UBE2E2: variants seen among roughly 807,000 people sequenced by gnomAD.
The protein encoded by UBE2E2 is ubiquitin-conjugating enzyme E2 E2.
Under a neutral mutation model 24.7 loss-of-function variants are expected in UBE2E2, and 6 were observed. The observed-to-expected ratio is 0.24, with a 90% CI of 0.13 to 0.48. The LOEUF is 0.48. Ranked by LOEUF, UBE2E2 falls within the 20% of genes least tolerant of loss-of-function variation. UBE2E2 has a pLI of 0.99. For missense variants in UBE2E2, 169 were observed against 245.0 expected, an observed-to-expected ratio of 0.69 and a Z score of 2.07; for synonymous variants, 104 against 83.6, an observed-to-expected ratio of 1.24 and a Z score of -1.33.
chr3:23,308,006 G>A lies in UBE2E2; in HGVS notation c.227+90694G>A, dbSNP rs567933764. Among the ~76,000 whole-genome samples the A allele has an allele frequency of 7.9e-5, 12 of 152,242 alleles. No homozygotes were observed. The East Asian group carries it at 2.3e-3, about 29-fold the overall frequency. Reference sequence around the variant, plus strand: ...CAAGTGGCACCTTCTAGGGAAACAGGTTTCAAGAATTGTATCCTTAAGTTT... The same window carrying A: ...CAAGTGGCACCTTCTAGGGAAACAGATTTCAAGAATTGTATCCTTAAGTTT... On this transcript the variant is annotated intron_variant, in intron 3 of 5. Transcript: ENST00000396703.
chr3:23,366,134 G>T (rs1696250921), intron 3 of UBE2E2, among the ~76,000 whole-genome samples: 1 of 152,144 alleles, frequency 6.6e-6, no homozygotes, highest in East Asian at 1.9e-4. Flanking sequence ...ACACCAGTCA[G>T]AATGGCCATT....
At chr3:23,577,481 G>A (rs992609485) in intron 5 of UBE2E2, among the ~76,000 whole-genome samples, 75 of 152,258 alleles carry the variant, frequency 4.9e-4, no homozygotes, top group African/African-American at 1.6e-3. Flanking sequence ...CGAGAGGTGA[G>A]GAAGCTGCAG....
intron 2 of UBE2E2, among the ~76,000 whole-genome samples, chr3:23,210,320 G>C (rs1203359150): frequency 6.6e-6 from 1 of 152,170 alleles, no homozygotes; most frequent in Admixed American, 6.5e-5. Context: ...CCAGGTCTGT[G>C]GGGAATAGGG....
chr3:23,583,042 C>G lies in UBE2E2; in HGVS notation c.509-6692C>G, dbSNP rs1696524704. Among the ~76,000 whole-genome samples the G allele has an allele frequency of 6.6e-6, 1 of 151,938 alleles. No individual in the cohort carries two copies. Among genetic ancestry groups the G allele is most frequent in the African/African-American group, 2.4e-5 (1 of 41,366 alleles). ...GAATGGTATTTCCTAAGTTGTCTTC[C>G]AGGGTTTTCATAGTTTTAGGTTTTA... is the stretch of plus-strand genomic sequence containing the variant. On this transcript the variant is annotated intron_variant, in intron 5 of 5. Transcript: ENST00000396703. The surrounding 1 kb of genome is among the most constrained non-coding windows in gnomAD (Gnocchi z 4.1).
At chr3:23,252,333 G>A (rs1263658218) in intron 3 of UBE2E2, among the ~76,000 whole-genome samples, 1 of 151,924 alleles carries the variant, frequency 6.6e-6, no homozygotes, top group Non-Finnish European at 1.5e-5. Context: ...CATAGTTTTA[G>A]GATGCTGTAA....
intron 3 of UBE2E2, among the ~76,000 whole-genome samples, chr3:23,342,157 G>A (rs546067689): frequency 5.5e-4 from 83 of 151,598 alleles, no homozygotes; most frequent in African/African-American, 2.0e-3. Flanking sequence ...GAGGATTTAA[G>A]CATTATGGGG....
chr3:23,530,727 T>G (rs947432596), intron 4 of UBE2E2, among the ~76,000 whole-genome samples: 4 of 152,194 alleles, frequency 2.6e-5, no homozygotes, highest in Admixed American at 2.6e-4. Flanking sequence ...CCATTCGAGT[T>G]TCCTAATTGA....
intron 5 of UBE2E2, among the ~76,000 whole-genome samples, chr3:23,545,653 A>G (rs996006135): frequency 6.6e-6 from 1 of 152,160 alleles, no homozygotes; most frequent in South Asian, 2.1e-4. Flanking sequence ...CAACAATCCT[A>G]CTACTGGGTA....
chr3:23,248,769 T>C (rs1181640065), intron 3 of UBE2E2, among the ~76,000 whole-genome samples: 1 of 152,176 alleles, frequency 6.6e-6, no homozygotes, highest in Non-Finnish European at 1.5e-5. Flanking sequence ...TGTGAATAGC[T>C]CCCTTCCCTG....
At chr3:23,308,580 A>G (rs1699293084) in intron 3 of UBE2E2, among the ~76,000 whole-genome samples, 1 of 152,194 alleles carries the variant, frequency 6.6e-6, no homozygotes, top group Non-Finnish European at 1.5e-5. Context: ...TCATTTAAAG[A>G]CAGGTATTCT....
At chr3:23,502,366 G>C (rs1033954041) in intron 4 of UBE2E2, among the ~76,000 whole-genome samples, 1 of 151,988 alleles carries the variant, frequency 6.6e-6, no homozygotes, top group Non-Finnish European at 1.5e-5. Context: ...AAATACATCT[G>C]ATGGGCTATC....
At chr3:23,487,447 C>T (rs1453069328) in intron 3 of UBE2E2, among the ~76,000 whole-genome samples, 1 of 152,174 alleles carries the variant, frequency 6.6e-6, no homozygotes, top group African/African-American at 2.4e-5. Context: ...CCTGCCCCTG[C>T]CAGCTTCACA....
intron 5 of UBE2E2, among the ~76,000 whole-genome samples, chr3:23,573,870 A>T (rs1461256526): frequency 5.3e-5 from 8 of 152,174 alleles, no homozygotes. Context: ...CTTGAATAGT[A>T]ACAAAAGGGT....
At chr3:23,578,804 G>T (rs932276827) in intron 5 of UBE2E2, among the ~76,000 whole-genome samples, 2 of 152,092 alleles carry the variant, frequency 1.3e-5, no homozygotes, top group African/African-American at 2.4e-5. Flanking sequence ...GCATCAGGAA[G>T]AATAACTAAT....
chr3:23,353,951 A>G (rs1695848399), intron 3 of UBE2E2, among the ~76,000 whole-genome samples: 2 of 152,208 alleles, frequency 1.3e-5, no homozygotes, highest in Admixed American at 6.5e-5. Context: ...CCAAAAGAAC[A>G]AAGCTGGAGG....
chr3:23,461,861 A>C (rs74455108), intron 3 of UBE2E2, among the ~76,000 whole-genome samples: 4,635 of 152,202 alleles, frequency 0.03, 144 homozygotes, highest in East Asian at 0.081. Context: ...AAACTATTCC[A>C]ATAAAACTGT....
In UBE2E2 at chr3:23,552,286, G is replaced by A. The variant is rs562109466; in HGVS notation, c.508+19585G>A. ...AAAGATCACTGGAGCCCAGGGGTTC[G>A]AGGTTGCACTGGGCCAAGATCAGGA... On this transcript the variant is annotated intron_variant, in intron 5 of 5. Transcript: ENST00000396703. Among the ~76,000 whole-genome samples, 34 of 152,120 alleles carry A rather than the reference G, an allele frequency of 2.2e-4. 1 individual carries two copies. The highest frequency in any genetic ancestry group is 1.7e-3 in the South Asian group (8 of 4,820).
intron 3 of UBE2E2, among the ~76,000 whole-genome samples, chr3:23,440,841 A>G (rs550330918): frequency 2.0e-5 from 3 of 152,162 alleles, no homozygotes; most frequent in South Asian, 2.1e-4. Context: ...TGTCCCCCCA[A>G]CTTTTTTTCC....
At chr3:23,366,409 A>C (rs1696257034) in intron 3 of UBE2E2, among the ~76,000 whole-genome samples, 1 of 152,216 alleles carries the variant, frequency 6.6e-6, no homozygotes, top group South Asian at 2.1e-4. Context: ...ATCAACCTAA[A>C]TACCCATCAG....
Sources: allele counts gnomAD v4.1 joint callset (sites outside exome capture counted in the v4.1 genomes callset), GRCh38; gene constraint gnomAD v4.1.1; non-coding constraint Gnocchi (gnomAD v3.1); transcripts MANE v1.5; gene names NCBI Gene and HGNC (gene_info 2026-07-23, HGNC 2026-07-21).